CSNK2A2: variants seen among roughly 807,000 people sequenced by gnomAD.
CSNK2A2 encodes casein kinase 2 alpha 2, also known as casein kinase II subunit alpha'.
Under a neutral mutation model 54.0 loss-of-function variants are expected in CSNK2A2, and 8 were observed. The observed-to-expected ratio is 0.15, with a 90% confidence interval of 0.09 to 0.27. The LOEUF (loss-of-function observed/expected upper bound fraction) is 0.27, where lower values mean the gene tolerates loss of function less well. CSNK2A2 is among the 10% of genes least tolerant of loss of function. The pLI is 1.00. For missense variants in CSNK2A2, 242 were observed against 439.4 expected (o/e 0.55, Z 4.02); for synonymous variants, 141 against 153.9 (o/e 0.92, Z 0.62).
chr16:58,170,077 G>A (rs1410502899), intron 5 of CSNK2A2, among the ~76,000 whole-genome samples: 1 of 152,090 alleles, frequency 6.6e-6, no homozygotes, highest in Non-Finnish European at 1.5e-5. Context: ...TATTCCAAGG[G>A]AGAAAATTGC....
intron 5 of CSNK2A2, among the ~76,000 whole-genome samples, chr16:58,170,408 T>C (rs529188863): frequency 6.6e-6 from 1 of 152,090 alleles, no homozygotes; most frequent in Admixed American, 6.5e-5. Flanking sequence ...ATCCAAGTTG[T>C]TTTTCCTTGC....
chr16:58,168,563 C>CT, intron 6 of CSNK2A2, 47 bp downstream of exon 6: 1 of 1,555,440 alleles, frequency 6.4e-7, no homozygotes, highest in Non-Finnish European at 8.9e-7. Context: ...TTTTGGTCTG[C>CT]TCTAAGCCTT....
chr16:58,170,516 T>C lies in CSNK2A2; in HGVS notation c.430-1823A>G, dbSNP rs116578776. On this transcript the variant is annotated intron_variant, in intron 5 of 11. Coordinates refer to ENST00000262506, the MANE Select transcript of CSNK2A2 (RefSeq NM_001896.4). ...ATTCCTAGGGGTGGAAGTGCTGGGT[T>C]GTATGCTAAATTTGTGTTTAAACTT... Among the ~76,000 whole-genome samples, 1,371 of 152,196 alleles carry C rather than the reference T, an allele frequency of 9.0e-3. 20 individuals are homozygous for C. Among genetic ancestry groups the C allele is most frequent in the African/African-American group, 0.031 (1,296 of 41,526 alleles).
At chr16:58,188,469 T>C (rs1273324174) in intron 2 of CSNK2A2, among the ~76,000 whole-genome samples, 3 of 152,228 alleles carry the variant, frequency 2.0e-5, no homozygotes, top group Non-Finnish European at 4.4e-5. Flanking sequence ...AACACGTCAA[T>C]GTCATTCATG....
chr16:58,166,561 C>T, intron 9 of CSNK2A2, 23 bp downstream of exon 9: 2 of 524,260 alleles, frequency 3.8e-6, no homozygotes, highest in Non-Finnish European at 5.5e-6. Flanking sequence ...AGGTAAAGCA[C>T]TCTCTCTCTC....
intron 10 of CSNK2A2, 85 bp from the exon 11 acceptor site, chr16:58,164,232 A>C: frequency 1.6e-6 from 2 of 1,280,080 alleles, no homozygotes; most frequent in Non-Finnish European, 2.3e-6. Flanking sequence ...TTCAACGGAA[A>C]GAGAGACAGA....
In CSNK2A2 at chr16:58,168,538, T is replaced by C. The variant is rs966065308; in HGVS notation, c.513+72A>G. ...CACCACGGGTCTACAGAAACCATCA[T>C]GGCACTGGACAGCTTTTTGGTCTGC... On this transcript the variant is annotated intron_variant, in intron 6 of 11. Coordinates refer to ENST00000262506, the MANE Select transcript of CSNK2A2 (RefSeq NM_001896.4). 6 of 1,272,382 alleles carry C rather than the reference T, an allele frequency of 4.7e-6. No individual in the cohort carries two copies. The Admixed American group carries it at 9.7e-5, about 21-fold the overall frequency. The allele number at this position is 1,272,382 out of a possible 1,614,324, so 78.8% of individuals were successfully genotyped here. A position where few individuals can be genotyped will look rare whatever the true frequency, so the allele number is the denominator to read the frequency against.
intron 11 of CSNK2A2, chr16:58,161,261 G>C (rs1961344617): frequency 6.6e-6 from 1 of 152,174 alleles, no homozygotes; most frequent in Non-Finnish European, 1.5e-5. Context: ...TTTGGCATAG[G>C]AACCTTTTGT....
At chr16:58,177,733 C>T (rs528447656) in intron 4 of CSNK2A2, among the ~76,000 whole-genome samples, 70 of 152,318 alleles carry the variant, frequency 4.6e-4, no homozygotes, top group African/African-American at 1.5e-3. Flanking sequence ...CTGATATACA[C>T]AGCTCAGTCT....
At chr16:58,163,925 C>A in intron 11 of CSNK2A2, 129 bp downstream of exon 11, 1 of 717,176 alleles carries the variant, frequency 1.4e-6, no homozygotes, top group Non-Finnish European at 2.3e-6. Context: ...TTTTGACAGA[C>A]TTTTAGGTCT....
In CSNK2A2 at chr16:58,197,067, C is replaced by A; in HGVS notation, c.105-223G>T. On this transcript the variant is annotated intron_variant, in intron 1 of 11. Transcript: ENST00000262506. The surrounding 1 kb of genome is among the most constrained non-coding windows in gnomAD (Gnocchi z 4.0). Reference sequence around the variant, plus strand: ...TCTCTCCTAACTTGGGAAGATGGGGCAGGAAGGCAACGCTCTGAGCCAATC... The same window carrying A: ...TCTCTCCTAACTTGGGAAGATGGGGAAGGAAGGCAACGCTCTGAGCCAATC... 1 of 516,026 alleles carries A rather than the reference C, an allele frequency of 1.9e-6. No individual in the cohort carries two copies. Among genetic ancestry groups the A allele is most frequent in the Non-Finnish European group, 3.5e-6 (1 of 283,972 alleles). The allele number at this position is 516,026 out of a possible 1,614,324, so 32.0% of individuals were successfully genotyped here.
At chr16:58,179,867 C>T (rs1444754891) in intron 4 of CSNK2A2, among the ~76,000 whole-genome samples, 1 of 152,060 alleles carries the variant, frequency 6.6e-6, no homozygotes, top group Non-Finnish European at 1.5e-5. Flanking sequence ...GTCATGAGTT[C>T]AGCAGTTCAA....
chr16:58,167,591 T>G (rs1311414730), intron 7 of CSNK2A2, 94 bp downstream of exon 7: 265 of 946,884 alleles, frequency 2.8e-4, no homozygotes, highest in East Asian at 1.5e-4. Flanking sequence ...AATGGCTGGG[T>G]TTTGAGTGTA....
In CSNK2A2 at chr16:58,165,545, T is replaced by C; in HGVS notation, c.976+15A>G. The stretch of plus-strand genomic sequence containing the variant: ...TGACTGAATTACTCCCTGAACACAG[T>C]CCCTGGAGACTCACAGAAGTATGGG... On this transcript the variant is annotated intron_variant, in intron 10 of 11. Coordinates refer to ENST00000262506, the MANE Select transcript of CSNK2A2 (RefSeq NM_001896.4). The C allele has an allele frequency of 6.2e-7, 1 of 1,604,730 alleles. No homozygotes were observed. The highest frequency in any genetic ancestry group is 1.7e-5 in the Admixed American group (1 of 57,446).
At chr16:58,193,392 T>G (rs1962362360) in intron 2 of CSNK2A2, among the ~76,000 whole-genome samples, 1 of 152,202 alleles carries the variant, frequency 6.6e-6, no homozygotes, top group Non-Finnish European at 1.5e-5. Flanking sequence ...AAAATTTTAA[T>G]ACCACCACCC....
chr16:58,168,955 C>A (rs1006324668), intron 5 of CSNK2A2, among the ~76,000 whole-genome samples: 13 of 150,312 alleles, frequency 8.6e-5, no homozygotes, highest in Non-Finnish European at 1.9e-4. Flanking sequence ...GAGATGGAGT[C>A]TTGCTCTGTC....
intron 3 of CSNK2A2, among the ~76,000 whole-genome samples, chr16:58,185,483 A>T (rs949020401): frequency 6.6e-6 from 1 of 152,134 alleles, no homozygotes; most frequent in African/African-American, 2.4e-5. Flanking sequence ...TGCTAACTTA[A>T]AAAAAGAAAA....
At chr16:58,167,329 C>G (rs760074999) in intron 7 of CSNK2A2, 21 bp from the exon 8 acceptor site, 4 of 1,562,926 alleles carry the variant, frequency 2.6e-6, no homozygotes, top group African/African-American at 2.7e-5. Flanking sequence ...AAGGACAACG[C>G]ATTAGCCAAG....
intron 11 of CSNK2A2, chr16:58,161,462 G>C (rs957175130): frequency 6.6e-6 from 1 of 151,988 alleles, no homozygotes; most frequent in Non-Finnish European, 1.5e-5. Flanking sequence ...GAAAGAATAT[G>C]CTAACTGAAA....
Sources: allele counts gnomAD v4.1 joint callset (sites outside exome capture counted in the v4.1 genomes callset), GRCh38; gene constraint gnomAD v4.1.1; non-coding constraint Gnocchi (gnomAD v3.1); transcripts MANE v1.5; gene names NCBI Gene and HGNC (gene_info 2026-07-23, HGNC 2026-07-21).